TMEM132E: variants seen among roughly 807,000 people sequenced by gnomAD.
The protein encoded by TMEM132E is transmembrane protein 132E.
In TMEM132E, 49 loss-of-function variants were observed where a neutral mutation model predicts 78.5. The observed-to-expected ratio is 0.62, with a 90% confidence interval of 0.50 to 0.79. TMEM132E has a LOEUF of 0.79. Ranked by LOEUF, TMEM132E falls within the 30% of genes least tolerant of loss-of-function variation. The pLI, the probability that TMEM132E is intolerant of heterozygous loss-of-function variation, is 0.00. For missense variants in TMEM132E, 1,403 were observed against 1,470.9 expected (o/e 0.95, Z 0.75); for synonymous variants, 715 against 670.6 (o/e 1.07, Z -1.02).
chr17:34,603,683 C>A (rs562343217), intron 1 of TMEM132E, among the ~76,000 whole-genome samples: 62 of 152,244 alleles, frequency 4.1e-4, no homozygotes, highest in African/African-American at 1.5e-3. Context: ...CCAGCTCTTC[C>A]CCCTGGGTGT....
At chr17:34,633,667 A>G (rs533137394) in intron 6 of TMEM132E, among the ~76,000 whole-genome samples, 1 of 152,354 alleles carries the variant, frequency 6.6e-6, no homozygotes, top group Admixed American at 6.5e-5. Flanking sequence ...CAGGTGGCCA[A>G]GTGAGAATTG....
chr17:34,581,355 G>A (rs965663416), intron 1 of TMEM132E, among the ~76,000 whole-genome samples: 3 of 150,762 alleles, frequency 2.0e-5, no homozygotes, highest in African/African-American at 4.8e-5. Context: ...AGAAAAGGGT[G>A]GGGGGAGGGT....
At chr17:34,609,192 C>T (rs73988735) in intron 1 of TMEM132E, among the ~76,000 whole-genome samples, 4,192 of 152,260 alleles carry the variant, frequency 0.028, 211 homozygotes, top group African/African-American at 0.095. Context: ...GGTCTGTGCC[C>T]AGTTCTGCAT....
Position 34,581,046 on chromosome 17 carries a change from C to A in TMEM132E, c.-31C>A. ...GGCCAAGTCGTCGTCGACTGTTGCT[C>A]TCTCGGACCCCTCCCGCCCCCGCCT... On this transcript the variant is annotated 5_prime_UTR_variant, in exon 1 of 9. Transcript: ENST00000631683. The A allele has an allele frequency of 6.5e-7, 1 of 1,532,526 alleles. No individual in the cohort carries two copies. The highest frequency in any genetic ancestry group is 8.7e-7 in the Non-Finnish European group (1 of 1,145,178). 94.9% of individuals were successfully genotyped at this position (1,532,526 alleles called of 1,614,324 possible).
At chr17:34,583,519 C>T (rs1356370704) in intron 1 of TMEM132E, among the ~76,000 whole-genome samples, 1 of 152,260 alleles carries the variant, frequency 6.6e-6, no homozygotes, top group East Asian at 1.9e-4. Flanking sequence ...GCCACCCCTT[C>T]CCTCTGTTAA....
chr17:34,638,520 A>C lies in TMEM132E; in HGVS notation c.*288A>C. On this transcript the variant is annotated 3_prime_UTR_variant, in exon 9 of 9. Transcript: ENST00000631683. Reference sequence around the variant, plus strand: ...TTCTGCCCTTTCCAAACCTCCTCCCATCTTAAGCAACCCCCTGCCCCAAGA... The same window carrying C: ...TTCTGCCCTTTCCAAACCTCCTCCCCTCTTAAGCAACCCCCTGCCCCAAGA... 9 of 338,510 alleles carry C rather than the reference A, an allele frequency of 2.7e-5. No individual in the cohort carries two copies. The highest frequency in any genetic ancestry group is 4.4e-5 in the Admixed American group (1 of 22,482). 21.0% of individuals were successfully genotyped at this position (338,510 alleles called of 1,614,324 possible).
chr17:34,626,735 G>C lies in TMEM132E; in HGVS notation c.676G>C (p.Glu226Gln). The C allele has an allele frequency of 7.3e-7, 1 of 1,376,394 alleles. No individual in the cohort carries two copies. Among genetic ancestry groups the C allele is most frequent in the Non-Finnish European group, 9.6e-7 (1 of 1,045,660 alleles). The allele number at this position is 1,376,394 out of a possible 1,614,324, so 85.3% of individuals were successfully genotyped here. A position where few individuals can be genotyped will look rare whatever the true frequency, so the allele number is the denominator to read the frequency against. ...CGGGCTGGAGCCCGAGGCGACGGGG[G>C]AGAGCCAGCAGGCCGAGCTCTACTA... is the stretch of plus-strand genomic sequence containing the variant. ...PDGLEPEATGESQQAELYYTL... is the reference protein window; with the variant it reads ...PDGLEPEATGQSQQAELYYTL... Residue 226 changes from glutamate (E) to glutamine (Q), a missense_variant, in exon 2 of 9, where the codon GAG (glutamate) becomes CAG (glutamine). Glu to Gln is a conservative substitution (Grantham distance 29). This residue lies in a region of TMEM132E where 511 missense variants were observed against 499.0 expected (regional missense o/e 1.02). Coordinates refer to ENST00000631683, the MANE Select transcript of TMEM132E (RefSeq NM_001304438.2).
In TMEM132E at chr17:34,637,680, G is replaced by C; in HGVS notation, c.2673G>C (p.Met891Ile). 1 of 1,611,006 alleles carries C rather than the reference G, an allele frequency of 6.2e-7. No homozygotes were observed. Among genetic ancestry groups the C allele is most frequent in the Non-Finnish European group, 8.5e-7 (1 of 1,179,976 alleles). Reference sequence around the variant, plus strand: ...GTCTGACAGACCTGGAGATCGGCATGTACGCGCTGCTGGGCGTCTTCTGCC... The same window carrying C: ...GTCTGACAGACCTGGAGATCGGCATCTACGCGCTGCTGGGCGTCTTCTGCC... The part of the protein sequence containing the change: ...PRGLTDLEIG[M>I]YALLGVFCLA... The change falls in exon 9 of 9, where the codon ATG (methionine) becomes ATC (isoleucine). Residue 891 changes from methionine (M) to isoleucine (I), a missense_variant. This residue lies in a region of TMEM132E where 888 missense variants were observed against 952.8 expected (regional missense o/e 0.93). Coordinates refer to ENST00000631683, the MANE Select transcript of TMEM132E (RefSeq NM_001304438.2).
rs56757985 is a variant in TMEM132E at position 34,634,314 on chromosome 17, G to T, written c.1689-485G>T. 6.1e-3 allele frequency among the ~76,000 whole-genome samples: 929 copies of T among 152,264 alleles called. 13 individuals carry two copies. Among genetic ancestry groups the T allele is most frequent in the African/African-American group, 0.022 (896 of 41,536 alleles). ...ACTAAAAGCAGCAAGAGGAAACCAG[G>T]CCACGATTTCCACACCTTGCTTGGA... On this transcript the variant is annotated intron_variant, in intron 6 of 8. Coordinates refer to ENST00000631683, the MANE Select transcript of TMEM132E (RefSeq NM_001304438.2).
intron 7 of TMEM132E, among the ~76,000 whole-genome samples, chr17:34,635,407 A>G (rs530494834): frequency 6.6e-6 from 1 of 152,102 alleles, no homozygotes; most frequent in Non-Finnish European, 1.5e-5. Flanking sequence ...CTCAACTTTG[A>G]CCTTTCCTGA....
intron 6 of TMEM132E, 73 bp downstream of exon 6, chr17:34,632,982 T>C: frequency 2.0e-6 from 3 of 1,533,538 alleles, no homozygotes; most frequent in Non-Finnish European, 2.7e-6. Context: ...CAGTCTGATC[T>C]GCATATGGGT....
chr17:34,616,009 G>T (rs1403476458), intron 1 of TMEM132E, among the ~76,000 whole-genome samples: 4 of 152,210 alleles, frequency 2.6e-5, no homozygotes, highest in Non-Finnish European at 5.9e-5. Flanking sequence ...AAACTGAGGT[G>T]GGGGATGTGA....
chr17:34,593,825 A>G (rs970548674), intron 1 of TMEM132E, among the ~76,000 whole-genome samples: 21 of 152,258 alleles, frequency 1.4e-4, no homozygotes, highest in African/African-American at 5.1e-4. Context: ...AAGTCCTCAC[A>G]GTAGCTCATA....
In TMEM132E at chr17:34,638,502, C is replaced by A; in HGVS notation, c.*270C>A. 1 of 402,016 alleles carries A rather than the reference C, an allele frequency of 2.5e-6. No homozygotes were observed. The highest frequency in any genetic ancestry group is 8.2e-5 in the South Asian group (1 of 12,128). 24.9% of individuals were successfully genotyped at this position (402,016 alleles called of 1,614,324 possible). ...AAGCAACCCCAGCCTCTGTTCTGCC[C>A]TTTCCAAACCTCCTCCCATCTTAAG... On this transcript the variant is annotated 3_prime_UTR_variant, in exon 9 of 9. Coordinates refer to ENST00000631683, the MANE Select transcript of TMEM132E (RefSeq NM_001304438.2).
At chr17:34,613,211 A>ACACGCG in intron 1 of TMEM132E, among the ~76,000 whole-genome samples, 1,751 of 115,822 alleles carry the variant, frequency 0.015, 40 homozygotes, top group Admixed American at 0.024. Flanking sequence ...ACACACACAC[A>ACACGCG]CGCGCGCGCG....
Position 34,638,466 on chromosome 17 carries a change from C to G in TMEM132E, c.*234C>G, listed in dbSNP as rs1433281134. 1 of 471,084 alleles carries G rather than the reference C, an allele frequency of 2.1e-6. No homozygotes were observed. The highest frequency in any genetic ancestry group is 3.8e-5 in the Admixed American group (1 of 26,200). The allele number at this position is 471,084 out of a possible 1,614,324, so 29.2% of individuals were successfully genotyped here. Reference sequence around the variant, plus strand: ...GTGGAGGGCTCTTCCTCCAGTGGCTCGTAAGGAGGAAAGCAACCCCAGCCT... The same window carrying G: ...GTGGAGGGCTCTTCCTCCAGTGGCTGGTAAGGAGGAAAGCAACCCCAGCCT... On this transcript the variant is annotated 3_prime_UTR_variant, in exon 9 of 9. Transcript: ENST00000631683.
At chr17:34,588,971 C>A (rs779413758) in intron 1 of TMEM132E, among the ~76,000 whole-genome samples, 1 of 152,172 alleles carries the variant, frequency 6.6e-6, no homozygotes, top group African/African-American at 2.4e-5. Context: ...CCAGGCTGGT[C>A]TCGAACTCCT....
At position 34,629,010 on chromosome 17, in the gene TMEM132E, A is replaced by G. The variant is rs1388969846; in HGVS notation, c.1146-2A>G. 1.3e-6 allele frequency: 2 copies of G among 1,552,022 alleles called. No homozygotes were observed. Among genetic ancestry groups the G allele is most frequent in the South Asian group, 1.2e-5 (1 of 80,830 alleles). On this transcript the variant is annotated splice_acceptor_variant, in intron 3 of 8. Coordinates refer to ENST00000631683, the MANE Select transcript of TMEM132E (RefSeq NM_001304438.2). LOFTEE classifies it high-confidence loss of function. ...CTCTCCTTCCCTCCCCTACCCTGGC[A>G]GGGAGGGCCAGGGCCCCTTGGAGAT...
intron 1 of TMEM132E, among the ~76,000 whole-genome samples, chr17:34,611,650 G>C (rs141128582): frequency 6.6e-6 from 1 of 152,164 alleles, no homozygotes; most frequent in Non-Finnish European, 1.5e-5. Context: ...GAGTGGGGAC[G>C]TCACGTGCGA....
Sources: allele counts gnomAD v4.1 joint callset (sites outside exome capture counted in the v4.1 genomes callset), GRCh38; gene constraint gnomAD v4.1.1; regional missense constraint gnomAD v4.1.1; transcripts MANE v1.5; gene names NCBI Gene and HGNC (gene_info 2026-07-23, HGNC 2026-07-21).